The following VPS35L variants were observed in gnomAD, a reference collection of about 807,000 sequenced individuals.
VPS35L encodes VPS35 endosomal protein sorting factor like.
VPS35L carries 83 observed loss-of-function variants against 133.0 expected under a neutral mutation model. That is an observed-to-expected ratio of 0.62 (90% CI 0.52 to 0.75). The LOEUF (loss-of-function observed/expected upper bound fraction) is 0.75. Ranked by LOEUF, VPS35L falls within the 30% of genes least tolerant of loss-of-function variation. The pLI is 0.00. For missense variants in VPS35L, 1,083 were observed against 1,206.8 expected, an observed-to-expected ratio of 0.90 and a Z score of 1.52; for synonymous variants, 423 against 449.9, an observed-to-expected ratio of 0.94 and a Z score of 0.76.
chr16:19,569,544 T>A lies in VPS35L; in HGVS notation c.238T>A (p.Ser80Thr), dbSNP rs1209766606. The A allele has an allele frequency of 6.3e-7, 1 of 1,595,672 alleles. No homozygotes were observed. Among genetic ancestry groups the A allele is most frequent in the Admixed American group, 1.8e-5 (1 of 56,544 alleles). The change falls in exon 3 of 31, where the codon TCC becomes ACC. Residue 80 changes from serine to threonine, a missense_variant. Transcript: ENST00000417362. ...CGTCCTCGATGGGACTGACCCCCTC[T>A]CCATGTTTGCAGCCACTGCTGACCC... is the stretch of plus-strand genomic sequence containing the variant. The part of the protein sequence containing the change: ...SSVLDGTDPL[S>T]MFAATADPAA...
At chr16:19,655,829 T>A (rs1974279725) in intron 26 of VPS35L, among the ~76,000 whole-genome samples, 1 of 152,218 alleles carries the variant, frequency 6.6e-6, no homozygotes, top group South Asian at 2.1e-4. Flanking sequence ...TTTCAGTCCC[T>A]TCTCTAGGTA....
In VPS35L at chr16:19,651,936, C is replaced by T. The variant is rs192236084; in HGVS notation, c.2107-40C>T. On this transcript the variant is annotated intron_variant, in intron 25 of 30. Transcript: ENST00000417362. Reference sequence around the variant, plus strand: ...GAAAACAGGAGTATGATTCTGCCACCGTTGCACTGCTAGCGTTAATGTTTC... The same window carrying T: ...GAAAACAGGAGTATGATTCTGCCACTGTTGCACTGCTAGCGTTAATGTTTC... The T allele has an allele frequency of 8.6e-6, 12 of 1,389,690 alleles. No individual in the cohort carries two copies. The Admixed American group carries it at 1.2e-4, about 14-fold the overall frequency. The allele number at this position is 1,389,690 out of a possible 1,614,324, so 86.1% of individuals were successfully genotyped here. A position where few individuals can be genotyped will look rare whatever the true frequency, so the allele number is the denominator to read the frequency against.
chr16:19,602,262 C>G (rs1457021093), intron 9 of VPS35L, among the ~76,000 whole-genome samples: 2 of 152,034 alleles, frequency 1.3e-5, no homozygotes, highest in African/African-American at 4.8e-5. Flanking sequence ...AATGATGTGT[C>G]TGGCAATGCA....
intron 7 of VPS35L, among the ~76,000 whole-genome samples, chr16:19,582,518 T>C (rs1413163770): frequency 1.3e-5 from 2 of 152,312 alleles, no homozygotes; most frequent in African/African-American, 2.4e-5. Context: ...TGGTATTTCA[T>C]GATGGGAGGC....
chr16:19,680,214 T>C (rs2151616103), intron 27 of VPS35L, among the ~76,000 whole-genome samples: 1 of 152,312 alleles, frequency 6.6e-6, no homozygotes, highest in East Asian at 1.9e-4. Context: ...CCCTGGAACA[T>C]AGAAAAGCTA....
chr16:19,691,324 C>A, intron 28 of VPS35L, 29 bp from the exon 29 acceptor site: 10 of 1,579,154 alleles, frequency 6.3e-6, no homozygotes, highest in South Asian at 1.1e-5. Flanking sequence ...GGGCTTGGGT[C>A]TGTCTCACTG....
At chr16:19,656,470 G>A (rs1974307034) in intron 26 of VPS35L, among the ~76,000 whole-genome samples, 1 of 151,522 alleles carries the variant, frequency 6.6e-6, no homozygotes, top group Non-Finnish European at 1.5e-5. Context: ...ACAGCAGAAT[G>A]TTGGGATGAG....
chr16:19,636,902 CACCATCCTTGG>C lies in VPS35L; in HGVS notation c.1636-691_1636-681del, dbSNP rs539110236. 3.9e-4 allele frequency among the ~76,000 whole-genome samples: 60 copies of C among 152,254 alleles called. 1 individual carries two copies. The East Asian group carries it at 0.011, about 27-fold the overall frequency. ...TTGAGGCAGACCTCACAGACTGTGCCACCATCCTTGGGTAATACCTTGGCCTTTAACTCTAC... is the reference window on the plus strand; with the variant it reads ...TTGAGGCAGACCTCACAGACTGTGCCGTAATACCTTGGCCTTTAACTCTAC... On this transcript the variant is annotated intron_variant, in intron 19 of 30. Transcript: ENST00000417362.
chr16:19,615,234 G>C (rs1022930629), intron 12 of VPS35L, among the ~76,000 whole-genome samples: 1 of 152,098 alleles, frequency 6.6e-6, no homozygotes, highest in Non-Finnish European at 1.5e-5. Flanking sequence ...TCTCTTGGTC[G>C]TCTGTTCAGA....
intron 18 of VPS35L, among the ~76,000 whole-genome samples, chr16:19,632,885 T>G (rs1485467689): frequency 6.6e-6 from 1 of 152,238 alleles, no homozygotes; most frequent in Non-Finnish European, 1.5e-5. Context: ...GAAGAGCGTT[T>G]AGTCCTGACT....
At chr16:19,642,505 CAT>C in intron 22 of VPS35L, 29 bp downstream of exon 22, 1 of 1,591,462 alleles carries the variant, frequency 6.3e-7, no homozygotes, top group Non-Finnish European at 8.6e-7. Flanking sequence ...TGAAATATAA[CAT>C]GGATTGGGTC....
intron 9 of VPS35L, among the ~76,000 whole-genome samples, chr16:19,604,106 T>TG: frequency 6.6e-6 from 1 of 151,070 alleles, no homozygotes; most frequent in East Asian, 2.0e-4. Context: ...AGCCAACAGG[T>TG]GGAACTGAAC....
intron 3 of VPS35L, among the ~76,000 whole-genome samples, chr16:19,572,638 G>T (rs1466205004): frequency 6.6e-6 from 1 of 152,026 alleles, no homozygotes; most frequent in Admixed American, 6.6e-5. Flanking sequence ...TTCTTAATGA[G>T]TTTGAGCATT....
chr16:19,696,676 T>C (rs1975924330), intron 29 of VPS35L, among the ~76,000 whole-genome samples: 1 of 152,178 alleles, frequency 6.6e-6, no homozygotes, highest in Admixed American at 6.5e-5. Context: ...TCAGCTGGCA[T>C]GTGTCTCATC....
intron 14 of VPS35L, among the ~76,000 whole-genome samples, chr16:19,622,237 C>T (rs77136300): frequency 0.05 from 7,474 of 149,760 alleles, 601 homozygotes; most frequent in African/African-American, 0.17. Context: ...TTCTGCCTCC[C>T]GGGTTCAAGC....
chr16:19,678,866 T>C (rs1278061680), intron 27 of VPS35L, among the ~76,000 whole-genome samples: 1 of 151,830 alleles, frequency 6.6e-6, no homozygotes, highest in Admixed American at 6.6e-5. Flanking sequence ...AGGTTGGAAA[T>C]AGTCTCCCAG....
chr16:19,569,598 C>T lies in VPS35L; in HGVS notation c.285+7C>T. 1 of 1,527,722 alleles carries T rather than the reference C, an allele frequency of 6.5e-7. No individual in the cohort carries two copies. Among genetic ancestry groups the T allele is most frequent in the South Asian group, 1.3e-5 (1 of 76,894 alleles). 94.6% of individuals were successfully genotyped at this position (1,527,722 alleles called of 1,614,324 possible). Reference sequence around the variant, plus strand: ...AGCCTTGGCAGCTGCCATGGTAATGCACCCCAGCCATGGTCGTCCAGTGGG... The same window carrying T: ...AGCCTTGGCAGCTGCCATGGTAATGTACCCCAGCCATGGTCGTCCAGTGGG... On this transcript the variant is annotated splice_region_variant and intron_variant, in intron 3 of 30. Transcript: ENST00000417362.
At chr16:19,669,127 C>G (rs777679803) in intron 26 of VPS35L, 33 bp from the exon 27 acceptor site, 84 of 1,578,570 alleles carry the variant, frequency 5.3e-5, no homozygotes, top group Non-Finnish European at 7.2e-5. Context: ...TCCCAGAGTT[C>G]TAATATACTG....
intron 19 of VPS35L, among the ~76,000 whole-genome samples, chr16:19,637,259 A>ACCTT (rs1973649453): frequency 6.6e-6 from 1 of 152,282 alleles, no homozygotes; most frequent in South Asian, 2.1e-4. Context: ...TGCACTCAGG[A>ACCTT]CCTTCCACGA....
Sources: allele counts gnomAD v4.1 joint callset (sites outside exome capture counted in the v4.1 genomes callset), GRCh38; gene constraint gnomAD v4.1.1; transcripts MANE v1.5; gene names NCBI Gene and HGNC (gene_info 2026-07-23, HGNC 2026-07-21).